The following PLXDC2 variants were observed in gnomAD, a reference collection of about 807,000 sequenced individuals.
PLXDC2 encodes plexin domain containing 2.
A neutral mutation model predicts 68.9 loss-of-function variants in PLXDC2; 40 were observed. That is an observed-to-expected ratio of 0.58 (90% CI 0.45 to 0.76). PLXDC2 has a LOEUF of 0.76. PLXDC2 is among the 30% of genes least tolerant of loss of function. PLXDC2 has a pLI of 0.00. For synonymous variants in PLXDC2, 243 were observed against 234.2 expected, an observed-to-expected ratio of 1.04 and a Z score of -0.34; for missense variants, 644 against 661.9, an observed-to-expected ratio of 0.97 and a Z score of 0.30.
intron 1 of PLXDC2, among the ~76,000 whole-genome samples, chr10:19,901,951 T>G (rs1164070492): frequency 6.6e-6 from 1 of 152,206 alleles, no homozygotes; most frequent in African/African-American, 2.4e-5. Flanking sequence ...CCACTTTATG[T>G]TTTTGTTTGC....
At chr10:20,121,107 G>A (rs1362581328) in intron 4 of PLXDC2, among the ~76,000 whole-genome samples, 1 of 152,226 alleles carries the variant, frequency 6.6e-6, no homozygotes, top group African/African-American at 2.4e-5. Flanking sequence ...AGTGAGTACA[G>A]CTGAAGGAGC....
At chr10:19,967,225 A>C (rs1188907808) in intron 1 of PLXDC2, among the ~76,000 whole-genome samples, 2 of 152,220 alleles carry the variant, frequency 1.3e-5, no homozygotes, top group Non-Finnish European at 2.9e-5. Flanking sequence ...GGACTTGTTT[A>C]GCAAAAAATA....
At chr10:20,189,476 C>T (rs1457494625) in intron 9 of PLXDC2, among the ~76,000 whole-genome samples, 6 of 75,808 alleles carry the variant, frequency 7.9e-5, no homozygotes, top group Admixed American at 1.6e-4. Context: ...AAAGGTAGGC[C>T]ATATATATAT....
chr10:20,088,905 AT>A (rs1231203595), intron 4 of PLXDC2, among the ~76,000 whole-genome samples: 1 of 152,094 alleles, frequency 6.6e-6, no homozygotes, highest in Non-Finnish European at 1.5e-5. Flanking sequence ...ACTGCATATC[AT>A]TTTTCCTCCA....
At chr10:20,160,816 T>C (rs1834281061) in intron 6 of PLXDC2, among the ~76,000 whole-genome samples, 1 of 152,184 alleles carries the variant, frequency 6.6e-6, no homozygotes, top group Non-Finnish European at 1.5e-5. Flanking sequence ...AGTTTAATTA[T>C]ACCTAGAATT....
intron 4 of PLXDC2, among the ~76,000 whole-genome samples, chr10:20,112,949 A>G (rs1374864753): frequency 6.6e-6 from 1 of 152,190 alleles, no homozygotes; most frequent in African/African-American, 2.4e-5. Flanking sequence ...CCTTGAAGTG[A>G]TATCTTTTTA....
At chr10:19,953,843 A>C (rs1251345634) in intron 1 of PLXDC2, among the ~76,000 whole-genome samples, 1 of 152,014 alleles carries the variant, frequency 6.6e-6, no homozygotes, top group East Asian at 1.9e-4. Context: ...TTTTCTTTTA[A>C]ATATGACAGC....
chr10:20,084,931 C>T lies in PLXDC2; in HGVS notation c.541+16692C>T, dbSNP rs147509135. Among the ~76,000 whole-genome samples, 657 of 151,624 alleles carry T rather than the reference C, an allele frequency of 4.3e-3. 8 individuals carry two copies. Among genetic ancestry groups the T allele is most frequent in the African/African-American group, 0.015 (622 of 41,348 alleles). On this transcript the variant is annotated intron_variant, in intron 4 of 13. Transcript: ENST00000377252. Reference sequence around the variant, plus strand: ...TCTGGTTCTGGAAAAGTATCCCTATCGAGAAAGCTGTACCTTTTTAATATG... The same window carrying T: ...TCTGGTTCTGGAAAAGTATCCCTATTGAGAAAGCTGTACCTTTTTAATATG...
intron 9 of PLXDC2, among the ~76,000 whole-genome samples, chr10:20,185,518 A>G (rs1834670771): frequency 6.6e-6 from 1 of 151,986 alleles, no homozygotes; most frequent in Non-Finnish European, 1.5e-5. Context: ...GGACACCACA[A>G]TTGTTGAATG....
chr10:20,110,623 T>C (rs1221106448), intron 4 of PLXDC2, among the ~76,000 whole-genome samples: 2 of 151,980 alleles, frequency 1.3e-5, no homozygotes, highest in Non-Finnish European at 2.9e-5. Flanking sequence ...GCCCCCTGGC[T>C]CGGCTCTGAA....
chr10:20,235,933 T>C (rs1835426575), intron 12 of PLXDC2, among the ~76,000 whole-genome samples: 2 of 152,196 alleles, frequency 1.3e-5, no homozygotes, highest in Admixed American at 6.5e-5. Context: ...ATAGTCACTA[T>C]GAATATCTTT....
At position 20,177,402 on chromosome 10, in the gene PLXDC2, C is replaced by G; in HGVS notation, c.1054C>G (p.Leu352Val). ...IGFNCSWCSK[L>V]QRCSSGFDRH... ...CTTCAACTGCAGTTGGTGTAGTAAACTTCAAAGGTAAAAATATAATAATAA... is the reference window on the plus strand; with the variant it reads ...CTTCAACTGCAGTTGGTGTAGTAAAGTTCAAAGGTAAAAATATAATAATAA... Residue 352 changes from leucine to valine, a missense_variant, in exon 9 of 14, where the codon CTT (leucine) becomes GTT (valine). Coordinates refer to ENST00000377252, the MANE Select transcript of PLXDC2 (RefSeq NM_032812.9). 1 of 1,515,864 alleles carries G rather than the reference C, an allele frequency of 6.6e-7. No individual in the cohort carries two copies. Among genetic ancestry groups the G allele is most frequent in the Non-Finnish European group, 9.1e-7 (1 of 1,101,154 alleles). 93.9% of individuals were successfully genotyped at this position (1,515,864 alleles called of 1,614,324 possible).
chr10:19,951,542 C>T (rs190201431), intron 1 of PLXDC2, among the ~76,000 whole-genome samples: 10 of 152,282 alleles, frequency 6.6e-5, no homozygotes, highest in East Asian at 3.9e-4. Context: ...AATGCTTATA[C>T]GCTGTTGGTG....
intron 6 of PLXDC2, 96 bp from the exon 7 acceptor site, chr10:20,164,372 C>G: frequency 9.9e-7 from 1 of 1,009,122 alleles, no homozygotes; most frequent in Non-Finnish European, 1.5e-6. Flanking sequence ...ATCTCCTTCC[C>G]ATGGTTTTGT....
chr10:20,071,708 C>T (rs777180644), intron 4 of PLXDC2, among the ~76,000 whole-genome samples: 17 of 152,056 alleles, frequency 1.1e-4, no homozygotes, highest in Non-Finnish European at 2.2e-4. Context: ...AGGCATGCTG[C>T]GAATAAGCAA....
intron 4 of PLXDC2, among the ~76,000 whole-genome samples, chr10:20,105,063 A>AAG (rs2131742909): frequency 6.6e-6 from 1 of 151,412 alleles, no homozygotes; most frequent in Non-Finnish European, 1.5e-5. Context: ...AAAAAAAAAA[A>AAG]AAAAAAAAGA....
chr10:20,253,444 G>A (rs1588545257), intron 13 of PLXDC2, among the ~76,000 whole-genome samples: 1 of 151,554 alleles, frequency 6.6e-6, no homozygotes, highest in Non-Finnish European at 1.5e-5. Flanking sequence ...TTCTTAAAGT[G>A]TGCCTAAATT....
chr10:20,020,606 C>T (rs999404883), intron 2 of PLXDC2, among the ~76,000 whole-genome samples: 4 of 151,582 alleles, frequency 2.6e-5, no homozygotes, highest in African/African-American at 9.7e-5. Context: ...TGTGTATCTC[C>T]GTTCATGATC....
At position 20,271,600 on chromosome 10, in the gene PLXDC2, A is replaced by G. The variant is rs917247259; in HGVS notation, c.1474-8103A>G. ...TGTTTAGGATCTGGAATAGAAAAAT[A>G]TAGAAGATAAGGATCTGTGCTGAGG... On this transcript the variant is annotated intron_variant, in intron 13 of 13. Coordinates refer to ENST00000377252, the MANE Select transcript of PLXDC2 (RefSeq NM_032812.9). 3.3e-5 allele frequency among the ~76,000 whole-genome samples: 5 copies of G among 152,174 alleles called. No homozygotes were observed. In the South Asian group the frequency reaches 1.0e-3, roughly 31 times the overall value.
Sources: allele counts gnomAD v4.1 joint callset (sites outside exome capture counted in the v4.1 genomes callset), GRCh38; gene constraint gnomAD v4.1.1; transcripts MANE v1.5; gene names NCBI Gene and HGNC (gene_info 2026-07-23, HGNC 2026-07-21).